The following FGGY variants were observed in gnomAD, a reference collection of about 807,000 sequenced individuals.
The protein encoded by FGGY is FGGY carbohydrate kinase domain containing.
Under a neutral mutation model 71.3 loss-of-function variants are expected in FGGY, and 72 were observed. That is an observed-to-expected ratio of 1.01 (90% CI 0.84 to 1.23). FGGY has a LOEUF of 1.23. FGGY is among the 50% of genes most tolerant of loss of function. The probability of loss-of-function intolerance (pLI) is 0.00; values close to 1 mark genes in which losing one functional copy is unlikely to be tolerated. For missense variants in FGGY, 668 were observed against 682.3 expected (o/e 0.98, Z 0.23); for synonymous variants, 251 against 250.3 (o/e 1.00, Z -0.02).
chr1:59,531,112 C>G (rs141321057), intron 7 of FGGY, among the ~76,000 whole-genome samples: 123 of 152,290 alleles, frequency 8.1e-4, no homozygotes, highest in African/African-American at 2.6e-3. Flanking sequence ...ACAATGATGG[C>G]ATGGCACTAT....
At chr1:59,418,192 G>C (rs538560547) in intron 5 of FGGY, among the ~76,000 whole-genome samples, 1 of 152,324 alleles carries the variant, frequency 6.6e-6, no homozygotes, top group East Asian at 1.9e-4. Flanking sequence ...TGGGGCAGGG[G>C]TTGAGTGGGA....
At chr1:59,679,657 C>T (rs180674573) in intron 14 of FGGY, among the ~76,000 whole-genome samples, 4 of 151,884 alleles carry the variant, frequency 2.6e-5, no homozygotes, top group Admixed American at 2.6e-4. Flanking sequence ...TTTCTATTCT[C>T]TTAGTCTTTT....
In FGGY at chr1:59,610,496, C is replaced by T. The variant is rs776406156; in HGVS notation, c.1011+2586C>T. Among the ~76,000 whole-genome samples the T allele has an allele frequency of 6.2e-4, 95 of 152,312 alleles. 1 individual carries two copies. The Middle Eastern group carries it at 0.014, about 22-fold the overall frequency. On this transcript the variant is annotated intron_variant, in intron 9 of 15. Coordinates refer to ENST00000303721, the MANE Select transcript of FGGY (RefSeq NM_018291.5). ...GTCTATCACTGATGGGCATTTGGGT[C>T]GGTTCCATGTCTTTGCTATTGTAAA... is the stretch of plus-strand genomic sequence containing the variant.
chr1:59,410,408 C>T (rs567112408), intron 5 of FGGY, among the ~76,000 whole-genome samples: 1 of 152,116 alleles, frequency 6.6e-6, no homozygotes, highest in Non-Finnish European at 1.5e-5. Context: ...CACTTGCTTG[C>T]CCACATCACA....
chr1:59,433,815 A>C (rs754501188), intron 5 of FGGY, among the ~76,000 whole-genome samples: 2 of 152,146 alleles, frequency 1.3e-5, no homozygotes, highest in Non-Finnish European at 2.9e-5. Flanking sequence ...CGTGCTGGTT[A>C]GTGCTTGGAT....
chr1:59,348,776 T>G (rs2052645044), intron 4 of FGGY, among the ~76,000 whole-genome samples: 1 of 152,166 alleles, frequency 6.6e-6, no homozygotes, highest in African/African-American at 2.4e-5. Context: ...ATTTTATATA[T>G]TGAGCTGTTT....
intron 8 of FGGY, among the ~76,000 whole-genome samples, chr1:59,587,116 T>TA (rs1341015716): frequency 6.6e-6 from 1 of 152,170 alleles, no homozygotes; most frequent in Non-Finnish European, 1.5e-5. Context: ...CCAATGGGCT[T>TA]AAAAAATGGC....
In FGGY at chr1:59,752,282, G is replaced by A. The variant is rs191354151; in HGVS notation, c.1513-5649G>A. Reference sequence around the variant, plus strand: ...TGGCAACTCTGCAAACACTAACCAAGCACCTGTAAGTGCTAGGACTGTGCT... The same window carrying A: ...TGGCAACTCTGCAAACACTAACCAAACACCTGTAAGTGCTAGGACTGTGCT... On this transcript the variant is annotated intron_variant, in intron 14 of 15. Transcript: ENST00000303721. 1.8e-3 allele frequency among the ~76,000 whole-genome samples: 278 copies of A among 152,292 alleles called. 2 individuals are homozygous for A. The highest frequency in any genetic ancestry group is 6.4e-3 in the African/African-American group (265 of 41,556).
intron 1 of FGGY, among the ~76,000 whole-genome samples, chr1:59,310,551 C>T (rs1324324427): frequency 6.6e-6 from 1 of 152,234 alleles, no homozygotes; most frequent in Non-Finnish European, 1.5e-5. Flanking sequence ...ATGACTCCCC[C>T]TGTCCCCCGA....
intron 14 of FGGY, among the ~76,000 whole-genome samples, chr1:59,674,543 C>CCT (rs764071044): frequency 1.5e-4 from 23 of 151,818 alleles, no homozygotes; most frequent in Non-Finnish European, 1.3e-4. Flanking sequence ...CAACAAGAGA[C>CCT]ACAAATGAAA....
intron 5 of FGGY, among the ~76,000 whole-genome samples, chr1:59,392,608 A>G (rs1017247790): frequency 1.3e-5 from 2 of 152,202 alleles, no homozygotes; most frequent in African/African-American, 2.4e-5. Context: ...GGAGATTGCT[A>G]AAGTCAAACC....
At chr1:59,347,789 T>C (rs887946734) in intron 4 of FGGY, among the ~76,000 whole-genome samples, 2 of 152,262 alleles carry the variant, frequency 1.3e-5, no homozygotes, top group East Asian at 1.9e-4. Flanking sequence ...TCCTTACACC[T>C]TATACAAAAA....
intron 2 of FGGY, among the ~76,000 whole-genome samples, chr1:59,329,414 A>G (rs1260645374): frequency 6.6e-6 from 1 of 152,254 alleles, no homozygotes; most frequent in African/African-American, 2.4e-5. Context: ...TGCTTACTGC[A>G]GGGTTGCCAC....
chr1:59,378,796 C>T lies in FGGY; in HGVS notation c.513C>T (p.Leu171=). ...ATAAGGCGGGACATTTCTTTGATCT[C>T]CCGGACTTCTTATCGTGGAAGGCAA... The part of the protein sequence containing the change: ...CWDKAGHFFD[L]PDFLSWKATG... The change falls in exon 5 of 16, where the codon CTC becomes CTT. Residue 171 remains leucine (L), a synonymous_variant. Coordinates refer to ENST00000303721, the MANE Select transcript of FGGY (RefSeq NM_018291.5). 4 of 1,613,528 alleles carry T rather than the reference C, an allele frequency of 2.5e-6. No homozygotes were observed. In the South Asian group the frequency reaches 3.3e-5, roughly 13 times the overall value.
intron 5 of FGGY, among the ~76,000 whole-genome samples, chr1:59,429,300 TGAG>T (rs2066923498): frequency 6.6e-6 from 1 of 152,008 alleles, no homozygotes; most frequent in Non-Finnish European, 1.5e-5. Flanking sequence ...TAAATATACA[TGAG>T]GAGATTTAGA....
chr1:59,527,112 A>G (rs1300193723), intron 7 of FGGY, among the ~76,000 whole-genome samples: 1 of 152,238 alleles, frequency 6.6e-6, no homozygotes, highest in Non-Finnish European at 1.5e-5. Context: ...TATCTGGAAT[A>G]TTCTTCGTTA....
chr1:59,423,632 T>G (rs1167446424), intron 5 of FGGY, among the ~76,000 whole-genome samples: 1 of 152,042 alleles, frequency 6.6e-6, no homozygotes, highest in East Asian at 1.9e-4. Flanking sequence ...GACTCCCCAG[T>G]TCTTGAGGAA....
At chr1:59,497,770 C>T (rs2094088274) in intron 6 of FGGY, among the ~76,000 whole-genome samples, 1 of 152,170 alleles carries the variant, frequency 6.6e-6, no homozygotes, top group Non-Finnish European at 1.5e-5. Context: ...AATTCTTCCC[C>T]ATGTCAGTTG....
chr1:59,533,962 C>T (rs373282424), intron 7 of FGGY, among the ~76,000 whole-genome samples: 3 of 152,194 alleles, frequency 2.0e-5, no homozygotes, highest in South Asian at 2.1e-4. Context: ...TCACCAGCAA[C>T]GGAACAAAGC....
Sources: allele counts gnomAD v4.1 joint callset (sites outside exome capture counted in the v4.1 genomes callset), GRCh38; gene constraint gnomAD v4.1.1; transcripts MANE v1.5; gene names NCBI Gene and HGNC (gene_info 2026-07-23, HGNC 2026-07-21).